RGS7BP: variants seen among roughly 807,000 people sequenced by gnomAD.
RGS7BP encodes the protein regulator of G protein signaling 7-binding protein.
In RGS7BP, 9 loss-of-function variants were observed where a neutral mutation model predicts 31.3. That is an observed-to-expected ratio of 0.29 (90% CI 0.17 to 0.50). RGS7BP has a LOEUF of 0.50. Ranked by LOEUF, RGS7BP falls within the 20% of genes least tolerant of loss-of-function variation. The pLI, the probability that RGS7BP is intolerant of heterozygous loss-of-function variation, is 0.98. For synonymous variants in RGS7BP, 115 were observed against 120.1 expected (o/e 0.96, Z 0.28); for missense variants, 274 against 322.0 (o/e 0.85, Z 1.14).
chr5:64,572,148 A>T (rs78097133), intron 2 of RGS7BP, among the ~76,000 whole-genome samples: 20,850 of 152,166 alleles, frequency 0.14, 1,754 homozygotes, highest in Middle Eastern at 0.34. Context: ...TTCCTGTAGG[A>T]ATTACACAGG....
chr5:64,524,385 G>A (rs1166958485), intron 2 of RGS7BP, among the ~76,000 whole-genome samples: 1 of 152,200 alleles, frequency 6.6e-6, no homozygotes, highest in African/African-American at 2.4e-5. Context: ...CTAAGGTGAA[G>A]GAGATTAGGG....
intron 2 of RGS7BP, among the ~76,000 whole-genome samples, chr5:64,523,645 C>T (rs934334596): frequency 3.3e-5 from 5 of 152,094 alleles, no homozygotes; most frequent in African/African-American, 1.2e-4. Flanking sequence ...TAAAACTTGT[C>T]AGTACCTGTC....
chr5:64,591,246 A>G (rs1352200576), intron 3 of RGS7BP, among the ~76,000 whole-genome samples: 1 of 152,154 alleles, frequency 6.6e-6, no homozygotes, highest in Admixed American at 6.6e-5. Flanking sequence ...GAAAATGTAA[A>G]GAAGAAACAC....
rs1479734959 is a variant in RGS7BP, at chr5:64,520,923, T to C, written c.332+13046T>C. Among the ~76,000 whole-genome samples, 7 of 152,182 alleles carry C rather than the reference T, an allele frequency of 4.6e-5. No homozygotes were observed. The East Asian group carries it at 1.3e-3, about 29-fold the overall frequency. On this transcript the variant is annotated intron_variant, in intron 2 of 5. Transcript: ENST00000334025. ...AAAGATGGGAAGAAGTCATAGGAAATGAGATCCGGGAGAGATTATCAGACC... is the reference window on the plus strand; with the variant it reads ...AAAGATGGGAAGAAGTCATAGGAAACGAGATCCGGGAGAGATTATCAGACC...
chr5:64,588,586 G>A (rs1742822992), intron 3 of RGS7BP, among the ~76,000 whole-genome samples: 1 of 152,148 alleles, frequency 6.6e-6, no homozygotes, highest in African/African-American at 2.4e-5. Context: ...CCTATTCTGT[G>A]AGTAATAAAC....
chr5:64,561,057 G>A (rs778702866), intron 2 of RGS7BP, among the ~76,000 whole-genome samples: 80 of 152,154 alleles, frequency 5.3e-4, no homozygotes, highest in African/African-American at 1.4e-3. Context: ...GGACCCCTGC[G>A]GGGCAAGAGC....
At chr5:64,603,321 G>C (rs1319084390) in intron 5 of RGS7BP, among the ~76,000 whole-genome samples, 1 of 152,240 alleles carries the variant, frequency 6.6e-6, no homozygotes, top group Non-Finnish European at 1.5e-5. Context: ...AGAGACAACA[G>C]AGGAGCAGTA....
intron 2 of RGS7BP, among the ~76,000 whole-genome samples, chr5:64,569,843 TAAAAA>T (rs992833923): frequency 6.6e-6 from 1 of 152,200 alleles, no homozygotes; most frequent in Admixed American, 6.6e-5. Flanking sequence ...CTATTTGCTC[TAAAAA>T]ATAAAGCAAA....
chr5:64,523,616 A>T (rs776289018), intron 2 of RGS7BP, among the ~76,000 whole-genome samples: 3 of 152,252 alleles, frequency 2.0e-5, no homozygotes, highest in Non-Finnish European at 4.4e-5. Flanking sequence ...TGCTTTCAGA[A>T]TGGCACATTG....
chr5:64,539,804 T>A (rs1034139300), intron 2 of RGS7BP: 1 of 152,134 alleles, frequency 6.6e-6, no homozygotes, highest in African/African-American at 2.4e-5. Context: ...TTAAAAAAAA[T>A]TTAAAGTTTA....
At chr5:64,581,460 C>G (rs1742595812) in intron 3 of RGS7BP, among the ~76,000 whole-genome samples, 1 of 152,184 alleles carries the variant, frequency 6.6e-6, no homozygotes, top group Non-Finnish European at 1.5e-5. Flanking sequence ...TTATGTCTAT[C>G]TACCTCCCTG....
At chr5:64,520,442 G>C (rs977813083) in intron 2 of RGS7BP, among the ~76,000 whole-genome samples, 6 of 152,144 alleles carry the variant, frequency 3.9e-5, no homozygotes, top group African/African-American at 1.4e-4. Flanking sequence ...CAAAATTATG[G>C]CCTTACTGAA....
intron 2 of RGS7BP, among the ~76,000 whole-genome samples, chr5:64,523,295 T>A (rs749719690): frequency 2.7e-4 from 41 of 152,218 alleles, no homozygotes; most frequent in Admixed American, 9.8e-4. Context: ...CAGGCTTCAT[T>A]GTTTGCTGAT....
In RGS7BP at chr5:64,610,024, C is replaced by A. The variant is rs890569134; in HGVS notation, c.*772C>A. The A allele has an allele frequency of 6.6e-6, 1 of 152,368 alleles. No homozygotes were observed. Among genetic ancestry groups the A allele is most frequent in the East Asian group, 1.9e-4 (1 of 5,168 alleles). 9.4% of individuals were successfully genotyped at this position (152,368 alleles called of 1,614,324 possible). Reference sequence around the variant, plus strand: ...TTAGGAAATGGTGTAGTAACATATACAATTGCCCTCAAATGTAAAATCAAA... The same window carrying A: ...TTAGGAAATGGTGTAGTAACATATAAAATTGCCCTCAAATGTAAAATCAAA... On this transcript the variant is annotated 3_prime_UTR_variant, in exon 6 of 6. Transcript: ENST00000334025.
At chr5:64,529,357 C>A (rs1749314953) in intron 2 of RGS7BP, among the ~76,000 whole-genome samples, 1 of 152,144 alleles carries the variant, frequency 6.6e-6, no homozygotes, top group South Asian at 2.1e-4. Flanking sequence ...ATAGAATATT[C>A]ACCTCATATA....
intron 2 of RGS7BP, among the ~76,000 whole-genome samples, chr5:64,534,854 GGAGATGATGTAGATAGAA>G (rs1166683026): frequency 6.6e-6 from 1 of 152,172 alleles, no homozygotes. Flanking sequence ...GTTCATGTAG[GGAGATGATGTAGATAGAA>G]AACAAAGGAG....
At chr5:64,551,368 T>C (rs1741791192) in intron 2 of RGS7BP, among the ~76,000 whole-genome samples, 1 of 151,394 alleles carries the variant, frequency 6.6e-6, no homozygotes, top group Non-Finnish European at 1.5e-5. Flanking sequence ...ATTCAAGCAA[T>C]TCTCCTGCCT....
chr5:64,604,486 T>C (rs1743304581), intron 5 of RGS7BP, among the ~76,000 whole-genome samples: 1 of 152,154 alleles, frequency 6.6e-6, no homozygotes, highest in Non-Finnish European at 1.5e-5. Flanking sequence ...CAGTACCCAA[T>C]GTAGAGCCTT....
chr5:64,590,473 A>G (rs938820767), intron 3 of RGS7BP, among the ~76,000 whole-genome samples: 10 of 152,174 alleles, frequency 6.6e-5, no homozygotes, highest in African/African-American at 9.6e-5. Context: ...ACTGCATTCA[A>G]CTTTATGCTA....
Sources: allele counts gnomAD v4.1 joint callset (sites outside exome capture counted in the v4.1 genomes callset), GRCh38; gene constraint gnomAD v4.1.1; transcripts MANE v1.5; gene names NCBI Gene and HGNC (gene_info 2026-07-23, HGNC 2026-07-21).